The following NDST3 variants were observed in gnomAD, a reference collection of about 807,000 sequenced individuals.
The protein encoded by NDST3 is N-deacetylase and N-sulfotransferase 3.
Under a neutral mutation model 96.1 loss-of-function variants are expected in NDST3, and 58 were observed. The observed-to-expected ratio is 0.60, with a 90% confidence interval of 0.49 to 0.75. The LOEUF (loss-of-function observed/expected upper bound fraction) is 0.75. Among genes scored for constraint, NDST3 ranks in the 30% least tolerant of loss-of-function variants. The pLI, the probability that NDST3 is intolerant of heterozygous loss-of-function variation, is 0.00. For synonymous variants in NDST3, 333 were observed against 359.7 expected, an observed-to-expected ratio of 0.93 and a Z score of 0.84; for missense variants, 788 against 1,034.2, an observed-to-expected ratio of 0.76 and a Z score of 3.27.
At chr4:118,180,893 G>A (rs1736567835) in intron 6 of NDST3, among the ~76,000 whole-genome samples, 2 of 152,124 alleles carry the variant, frequency 1.3e-5, no homozygotes, top group South Asian at 2.1e-4. Context: ...CCAACAGCCA[G>A]AGTTTGTGTC....
Position 118,114,945 on chromosome 4 carries a change from C to A in NDST3, c.1209C>A (p.Asn403Lys). 6.2e-7 allele frequency: 1 copy of A among 1,613,880 alleles called. No homozygotes were observed. Among genetic ancestry groups the A allele is most frequent in the South Asian group, 1.1e-5 (1 of 91,054 alleles). Residue 403 changes from asparagine (N) to lysine (K), a missense_variant, in exon 4 of 14, where the codon AAC becomes AAA. By Grantham distance (94) the Asn-to-Lys change is moderately conservative (BLOSUM62 0). Coordinates refer to ENST00000296499, the MANE Select transcript of NDST3 (RefSeq NM_004784.3). ...CTTTGGTGGAGCAGATGATTCTCAACAAAAAATTTGCCTTAGTAAGTAACT... is the reference window on the plus strand; with the variant it reads ...CTTTGGTGGAGCAGATGATTCTCAAAAAAAAATTTGCCTTAGTAAGTAACT... ...ESSLVEQMILNKKFALEHGIP... is the reference protein window; with the variant it reads ...ESSLVEQMILKKKFALEHGIP...
chr4:118,056,828 G>C (rs1430097821), intron 2 of NDST3, among the ~76,000 whole-genome samples: 1 of 151,938 alleles, frequency 6.6e-6, no homozygotes, highest in African/African-American at 2.4e-5. Context: ...AAGTGGGGGT[G>C]ATAAATAGGT....
rs771997752 is a variant in NDST3, at chr4:118,226,950, C to G, written c.1787C>G (p.Pro596Arg). The stretch of plus-strand genomic sequence containing the variant: ...AAAGAAAAAACTTGTGATCGCTTAC[C>G]AAAATTCTTGGTAATAGGACCCCAG... ...WSKEKTCDRL[P>R]KFLVIGPQKT... Residue 596 changes from proline to arginine, a missense_variant, in exon 8 of 14, where the codon CCA becomes CGA. Physicochemically the swap from Pro to Arg is moderately radical, Grantham distance 103. Transcript: ENST00000296499. 9 of 1,613,170 alleles carry G rather than the reference C, an allele frequency of 5.6e-6. No homozygotes were observed.
chr4:118,229,507 G>A (rs13134833), intron 8 of NDST3, among the ~76,000 whole-genome samples: 14,174 of 152,146 alleles, frequency 0.093, 899 homozygotes, highest in Non-Finnish European at 0.13. Context: ...ATATGTACAG[G>A]TAAAGACAGA....
chr4:118,203,129 A>G (rs1738203565), intron 6 of NDST3, among the ~76,000 whole-genome samples: 1 of 152,184 alleles, frequency 6.6e-6, no homozygotes, highest in Non-Finnish European at 1.5e-5. Context: ...TCATTTGCAT[A>G]TGTTGAACCA....
chr4:118,075,269 G>A (rs567963723), intron 2 of NDST3, among the ~76,000 whole-genome samples: 4 of 152,298 alleles, frequency 2.6e-5, no homozygotes, highest in African/African-American at 9.6e-5. Flanking sequence ...TGGTGTATAT[G>A]TGCCACAATT....
At chr4:118,074,229 A>T (rs1485083030) in intron 2 of NDST3, among the ~76,000 whole-genome samples, 1 of 152,118 alleles carries the variant, frequency 6.6e-6, no homozygotes, top group African/African-American at 2.4e-5. Flanking sequence ...GCCATGTGCA[A>T]ATGTGAAACA....
chr4:118,080,943 C>T (rs1727958306), intron 2 of NDST3, among the ~76,000 whole-genome samples: 2 of 152,166 alleles, frequency 1.3e-5, no homozygotes, highest in South Asian at 4.2e-4. Context: ...TTCCTAAAAC[C>T]TGTCTTTTTC....
chr4:118,235,789 T>G (rs1321649534), intron 9 of NDST3, among the ~76,000 whole-genome samples: 1 of 152,200 alleles, frequency 6.6e-6, no homozygotes, highest in Non-Finnish European at 1.5e-5. Flanking sequence ...GAAATTTTTG[T>G]ATATCTCTTT....
intron 6 of NDST3, among the ~76,000 whole-genome samples, chr4:118,147,172 T>C (rs1734008324): frequency 6.6e-6 from 1 of 152,360 alleles, no homozygotes; most frequent in African/African-American, 2.4e-5. Context: ...CTTTTATTCA[T>C]TGGTTTCATG....
rs964285213 is a variant in NDST3 at position 118,257,567 on chromosome 4, G to A, written c.*1855G>A. On this transcript the variant is annotated 3_prime_UTR_variant, in exon 14 of 14. Transcript: ENST00000296499. ...GAAACAAATGGGAGGAAAACCCATA[G>A]TAAAAATATTTTCATTGTCATTTTA... The A allele has an allele frequency of 2.1e-4, 32 of 152,100 alleles. No homozygotes were observed. Among genetic ancestry groups the A allele is most frequent in the African/African-American group, 7.5e-4 (31 of 41,412 alleles). The allele number at this position is 152,100 out of a possible 1,614,324, so 9.4% of individuals were successfully genotyped here. A position where few individuals can be genotyped will look rare whatever the true frequency, so the allele number is the denominator to read the frequency against.
At chr4:118,106,739 T>C (rs1430656331) in intron 3 of NDST3, among the ~76,000 whole-genome samples, 1 of 151,972 alleles carries the variant, frequency 6.6e-6, no homozygotes, top group African/African-American at 2.4e-5. Context: ...TGCAGTAAAC[T>C]ATGTTCATGC....
chr4:118,201,405 A>G (rs965935644), intron 6 of NDST3, among the ~76,000 whole-genome samples: 9 of 152,132 alleles, frequency 5.9e-5, no homozygotes, highest in African/African-American at 2.2e-4. Context: ...CCCACTAACA[A>G]TGTATAAGTG....
intron 1 of NDST3, among the ~76,000 whole-genome samples, chr4:118,040,739 G>A (rs1724397030): frequency 6.6e-6 from 1 of 151,352 alleles, no homozygotes; most frequent in Non-Finnish European, 1.5e-5. Flanking sequence ...CTGGAGGGCA[G>A]TGGTGTGATC....
chr4:118,238,154 GA>G lies in NDST3; in HGVS notation c.2118+938del, dbSNP rs56883450. Among the ~76,000 whole-genome samples the G allele has an allele frequency of 2.1e-3, 152 of 72,178 alleles. 6 individuals are homozygous for G. The highest frequency in any genetic ancestry group is 3.3e-3 in the East Asian group (9 of 2,696). 47.4% of individuals were successfully genotyped at this position (72,178 alleles called of 152,430 possible). ...GAGAGAGAGAGAGAGAGAAAAGAAA[GA>G]AAAGAAAGAAAGAAAGAAAGAAAGA... On this transcript the variant is annotated intron_variant, in intron 10 of 13. Transcript: ENST00000296499.
intron 11 of NDST3, 29 bp downstream of exon 11, chr4:118,240,723 T>A: frequency 6.3e-7 from 1 of 1,585,658 alleles, no homozygotes; most frequent in Non-Finnish European, 8.6e-7. Flanking sequence ...TTACATCATG[T>A]TAGAATCTCA....
intron 6 of NDST3, among the ~76,000 whole-genome samples, chr4:118,163,608 G>A (rs61390934): frequency 0.066 from 10,097 of 152,070 alleles, 730 homozygotes; most frequent in African/African-American, 0.18. Flanking sequence ...TTGTGGGGTC[G>A]GGGGAGAGGG....
chr4:118,044,508 A>G (rs920383995), intron 1 of NDST3, among the ~76,000 whole-genome samples: 2 of 152,222 alleles, frequency 1.3e-5, no homozygotes, highest in Non-Finnish European at 2.9e-5. Context: ...GATGATTAAC[A>G]GTTTACGACT....
chr4:118,168,088 T>G (rs1735677457), intron 6 of NDST3, among the ~76,000 whole-genome samples: 1 of 151,690 alleles, frequency 6.6e-6, no homozygotes, highest in Non-Finnish European at 1.5e-5. Flanking sequence ...AAAAAGCTTC[T>G]GCACATTAAA....
Sources: allele counts gnomAD v4.1 joint callset (sites outside exome capture counted in the v4.1 genomes callset), GRCh38; gene constraint gnomAD v4.1.1; transcripts MANE v1.5; gene names NCBI Gene and HGNC (gene_info 2026-07-23, HGNC 2026-07-21).